DENND2C: variants seen among roughly 807,000 people sequenced by gnomAD.
The protein encoded by DENND2C is DENN domain-containing protein 2C.
A neutral mutation model predicts 112.4 loss-of-function variants in DENND2C; 72 were observed. The observed-to-expected ratio is 0.64, with a 90% CI of 0.53 to 0.78. The LOEUF (loss-of-function observed/expected upper bound fraction) is 0.78. Ranked by LOEUF, DENND2C falls within the 30% of genes least tolerant of loss-of-function variation. The pLI, the probability that DENND2C is intolerant of heterozygous loss-of-function variation, is 0.00. For missense variants in DENND2C, 992 were observed against 1,113.8 expected, an observed-to-expected ratio of 0.89 and a Z score of 1.56; for synonymous variants, 329 against 381.6, an observed-to-expected ratio of 0.86 and a Z score of 1.61.
intron 13 of DENND2C, 69 bp from the exon 14 acceptor site, chr1:114,601,029 C>A: frequency 6.7e-7 from 1 of 1,483,862 alleles, no homozygotes; most frequent in South Asian, 1.4e-5. Context: ...ATTACAGGAA[C>A]TGCCAAACCT....
intron 20 of DENND2C, 50 bp from the exon 21 acceptor site, chr1:114,585,681 G>C: frequency 6.3e-7 from 1 of 1,583,836 alleles, no homozygotes; most frequent in South Asian, 1.1e-5. Context: ...TTTATTTATT[G>C]TACATTATTT....
chr1:114,650,590 C>T (rs968437514), intron 2 of DENND2C, among the ~76,000 whole-genome samples: 22 of 147,270 alleles, frequency 1.5e-4, no homozygotes, highest in Admixed American at 2.8e-4. Flanking sequence ...AGGAGAATGG[C>T]GCAAACCCAG....
intron 20 of DENND2C, chr1:114,586,898 A>AT (rs565593002): frequency 0.07 from 9,973 of 141,532 alleles, 384 homozygotes; most frequent in Middle Eastern, 0.11. Flanking sequence ...TGCCTAGCTA[A>AT]TTTTTTTTTT....
chr1:114,639,790 A>T (rs1656771034), intron 3 of DENND2C, among the ~76,000 whole-genome samples: 2 of 151,616 alleles, frequency 1.3e-5, no homozygotes, highest in South Asian at 4.2e-4. Flanking sequence ...GCTCACTGCA[A>T]CTTCGGCCTC....
Position 114,622,080 on chromosome 1 carries a change from G to A in DENND2C, c.1057-15C>T. ...TTTGGAGGGAGCTAAAACAGGAGAA[G>A]ATGTACTGGTAAGATCACCTAGTTT... On this transcript the variant is annotated splice_polypyrimidine_tract_variant and intron_variant, in intron 6 of 20. Coordinates refer to ENST00000393274, the MANE Select transcript of DENND2C (RefSeq NM_001256404.2). 1 of 1,521,034 alleles carries A rather than the reference G, an allele frequency of 6.6e-7. No individual in the cohort carries two copies. Among genetic ancestry groups the A allele is most frequent in the Non-Finnish European group, 8.8e-7 (1 of 1,135,336 alleles). 94.2% of individuals were successfully genotyped at this position (1,521,034 alleles called of 1,614,324 possible).
chr1:114,593,311 C>T (rs547380106), intron 18 of DENND2C, among the ~76,000 whole-genome samples: 1 of 152,350 alleles, frequency 6.6e-6, no homozygotes, highest in East Asian at 1.9e-4. Context: ...ACAATACTCA[C>T]TCTATACGAT....
chr1:114,658,822 T>C (rs1367764250), intron 1 of DENND2C, among the ~76,000 whole-genome samples: 3 of 151,558 alleles, frequency 2.0e-5, no homozygotes, highest in Non-Finnish European at 4.4e-5. Flanking sequence ...GGAGGATTGC[T>C]TGAGCCCAGA....
At chr1:114,667,054 C>T (rs1046774031) in intron 1 of DENND2C, among the ~76,000 whole-genome samples, 2 of 152,192 alleles carry the variant, frequency 1.3e-5, no homozygotes, top group Non-Finnish European at 2.9e-5. Context: ...GTACAATGGA[C>T]TACAACACAT....
At chr1:114,628,403 G>A (rs1338548568) in intron 3 of DENND2C, among the ~76,000 whole-genome samples, 4 of 151,552 alleles carry the variant, frequency 2.6e-5, no homozygotes, top group Admixed American at 2.0e-4. Flanking sequence ...TATAAATGAT[G>A]TGTACTGATG....
intron 3 of DENND2C, among the ~76,000 whole-genome samples, chr1:114,635,443 AAG>A (rs751195778): frequency 1.3e-5 from 2 of 152,174 alleles, no homozygotes; most frequent in Non-Finnish European, 2.9e-5. Flanking sequence ...CGAACAAAAA[AAG>A]AGTCTCAGGC....
At chr1:114,646,830 A>T (rs1034675024) in intron 2 of DENND2C, among the ~76,000 whole-genome samples, 1 of 152,132 alleles carries the variant, frequency 6.6e-6, no homozygotes, top group African/African-American at 2.4e-5. Flanking sequence ...TTACACATGC[A>T]TTAGCTTTAA....
chr1:114,631,436 C>T (rs1422380747), intron 3 of DENND2C, among the ~76,000 whole-genome samples: 1 of 151,664 alleles, frequency 6.6e-6, no homozygotes, highest in Non-Finnish European at 1.5e-5. Context: ...AATTACTAAA[C>T]ATACAAAGAA....
intron 18 of DENND2C, among the ~76,000 whole-genome samples, chr1:114,588,757 G>T (rs1655109585): frequency 1.3e-5 from 2 of 151,992 alleles, no homozygotes; most frequent in African/African-American, 2.4e-5. Flanking sequence ...TTTAAATAAA[G>T]ATTTTTTTTC....
At chr1:114,589,082 T>C (rs1655117493) in intron 18 of DENND2C, among the ~76,000 whole-genome samples, 1 of 152,206 alleles carries the variant, frequency 6.6e-6, no homozygotes, top group Non-Finnish European at 1.5e-5. Flanking sequence ...ACCTAGTAAG[T>C]GAAGATGCTG....
Position 114,602,154 on chromosome 1 carries a change from G to A in DENND2C, c.1708C>T (p.Arg570Trp), listed in dbSNP as rs1490104610. ...SFVLTGEDGSRWFGYCKKLLP... is the reference protein window; with the variant it reads ...SFVLTGEDGSWWFGYCKKLLP... ...AGCTTCTTACAGTAACCAAACCACCGGCTTCCATCTTCACCAGTCAAGACA... is the reference window on the plus strand; with the variant it reads ...AGCTTCTTACAGTAACCAAACCACCAGCTTCCATCTTCACCAGTCAAGACA... The change falls in exon 12 of 21, where the codon CGG becomes TGG. Residue 570 changes from arginine (R) to tryptophan (W), a missense_variant. By Grantham distance (101) the Arg-to-Trp change is moderately radical. Transcript: ENST00000393274. The A allele has an allele frequency of 7.4e-6, 12 of 1,613,650 alleles. No homozygotes were observed. Among genetic ancestry groups the A allele is most frequent in the East Asian group, 6.7e-5 (3 of 44,834 alleles).
chr1:114,663,350 A>AT (rs1354764389), intron 1 of DENND2C, among the ~76,000 whole-genome samples: 1 of 152,238 alleles, frequency 6.6e-6, no homozygotes, highest in East Asian at 1.9e-4. Context: ...ATCAAAAAAC[A>AT]TTTTTCAAAC....
At chr1:114,647,992 G>A (rs935921686) in intron 2 of DENND2C, among the ~76,000 whole-genome samples, 2 of 151,956 alleles carry the variant, frequency 1.3e-5, no homozygotes, top group African/African-American at 2.4e-5. Context: ...ATTTTTAGTA[G>A]AGGCATGGTT....
intron 2 of DENND2C, among the ~76,000 whole-genome samples, chr1:114,650,673 C>CAA (rs58693255): frequency 0.014 from 856 of 60,268 alleles, 15 homozygotes; most frequent in African/African-American, 0.015. Context: ...GACTCCGTCT[C>CAA]AAAAAAAAAA....
rs1396314666 is a variant in DENND2C, at chr1:114,585,610, T to G, written c.2777A>C (p.Gln926Pro). The change falls in exon 21 of 21, where the codon CAA becomes CCA. Residue 926 changes from glutamine (Q) to proline (P), a missense_variant. Physicochemically the swap from Gln to Pro is moderately conservative, Grantham distance 76 (BLOSUM62 -1). Transcript: ENST00000393274. Reference protein sequence around the residue: ...RSLGSKMKFLQKK With the variant: ...RSLGSKMKFLPKK ...AGACAATCAGAGATTTCATTTCTTT[T>G]GCAGAAATTTCATTTTGCTTCCTAA... 4.3e-6 allele frequency: 7 copies of G among 1,613,864 alleles called. No homozygotes were observed. The Admixed American group carries it at 1.2e-4, about 27-fold the overall frequency.
Sources: gnomAD v4.1 joint callset for allele counts (sites outside exome capture counted in the v4.1 genomes callset) on GRCh38, gnomAD v4.1.1 for gene constraint, MANE v1.5 for transcripts, NCBI Gene and HGNC (gene_info 2026-07-23, HGNC 2026-07-21) for gene names.